The following METTL8 variants were observed in gnomAD, a reference collection of about 807,000 sequenced individuals.
METTL8 encodes methyltransferase 8, tRNA N3-cytidine, also known as tRNA N(3)-cytidine methyltransferase METTL8, mitochondrial.
Under a neutral mutation model 48.7 loss-of-function variants are expected in METTL8, and 32 were observed. The ratio of observed to expected loss-of-function variants is 0.66; its 90% confidence interval spans 0.50 to 0.88. The LOEUF (loss-of-function observed/expected upper bound fraction) is 0.88, where lower values mean the gene tolerates loss of function less well. METTL8 is among the 40% of genes least tolerant of loss of function. The pLI, the probability that METTL8 is intolerant of heterozygous loss-of-function variation, is 0.00. For missense variants in METTL8, 464 were observed against 474.4 expected (o/e 0.98, Z 0.20); for synonymous variants, 136 against 157.1 (o/e 0.87, Z 1.01).
At chr2:171,425,724 T>C (rs184414413) in intron 1 of METTL8, among the ~76,000 whole-genome samples, 2 of 152,312 alleles carry the variant, frequency 1.3e-5, no homozygotes, top group East Asian at 3.8e-4. Flanking sequence ...CTACAAGAAT[T>C]TGAGGTAATG....
At chr2:171,392,922 C>T (rs1287598852) in intron 1 of METTL8, among the ~76,000 whole-genome samples, 2 of 148,976 alleles carry the variant, frequency 1.3e-5, no homozygotes. Context: ...CATAGGAAAA[C>T]CCCATCTTTA....
At chr2:171,339,950 G>A (rs766427029) in intron 3 of METTL8, among the ~76,000 whole-genome samples, 11 of 152,192 alleles carry the variant, frequency 7.2e-5, no homozygotes, top group Non-Finnish European at 1.5e-4. Flanking sequence ...TGTAATCCCA[G>A]CACTTTGGGA....
intron 1 of METTL8, among the ~76,000 whole-genome samples, chr2:171,415,647 G>T (rs1484927746): frequency 2.6e-5 from 4 of 151,932 alleles, no homozygotes; most frequent in African/African-American, 9.7e-5. Flanking sequence ...ACCACGCCTG[G>T]CCTAAAATAT....
upstream of METTL8, chr2:171,434,565 G>C: frequency 6.6e-7 from 1 of 1,525,534 alleles, no homozygotes; most frequent in South Asian, 1.2e-5. Flanking sequence ...CCCAGGGCCC[G>C]GCCCGCGCCT....
intron 1 of METTL8, among the ~76,000 whole-genome samples, chr2:171,416,153 TTA>T (rs1691295071): frequency 1.3e-5 from 2 of 152,292 alleles, no homozygotes; most frequent in Admixed American, 1.3e-4. Context: ...ATCGTTTCAT[TTA>T]TAGTACTTGT....
intron 1 of METTL8, among the ~76,000 whole-genome samples, chr2:171,427,380 A>T (rs980927383): frequency 6.6e-6 from 1 of 152,212 alleles, no homozygotes; most frequent in African/African-American, 2.4e-5. Flanking sequence ...AACACAAAAT[A>T]GATCATATCA....
intron 3 of METTL8, among the ~76,000 whole-genome samples, chr2:171,343,784 T>C (rs1420492306): frequency 6.6e-6 from 1 of 152,222 alleles, no homozygotes; most frequent in Non-Finnish European, 1.5e-5. Flanking sequence ...TACTTTCCTA[T>C]TAAGCGCCAT....
chr2:171,350,636 C>A (rs1170196696), intron 3 of METTL8, among the ~76,000 whole-genome samples: 1 of 152,164 alleles, frequency 6.6e-6, no homozygotes, highest in Non-Finnish European at 1.5e-5. Flanking sequence ...TGTTTCCTGA[C>A]TTTTTAATGA....
chr2:171,383,817 A>ATCTTAGTAC (rs1488186384), intron 2 of METTL8, among the ~76,000 whole-genome samples: 3 of 152,264 alleles, frequency 2.0e-5, no homozygotes, highest in Non-Finnish European at 4.4e-5. Context: ...TGTACTAAGT[A>ATCTTAGTAC]TAATTAAAAG....
intron 3 of METTL8, among the ~76,000 whole-genome samples, chr2:171,341,407 T>C (rs1460907170): frequency 1.3e-5 from 2 of 152,014 alleles, no homozygotes; most frequent in South Asian, 2.1e-4. Flanking sequence ...TATTTATTTA[T>C]TTTATATTTT....
At chr2:171,386,606 A>G (rs1362913330) in intron 2 of METTL8, among the ~76,000 whole-genome samples, 1 of 152,176 alleles carries the variant, frequency 6.6e-6, no homozygotes, top group East Asian at 1.9e-4. Flanking sequence ...TCTACAAAAA[A>G]TACAAAAATT....
intron 2 of METTL8, among the ~76,000 whole-genome samples, chr2:171,384,014 G>C (rs1454082373): frequency 6.6e-6 from 1 of 152,150 alleles, no homozygotes; most frequent in Non-Finnish European, 1.5e-5. Context: ...ATTCACAAGA[G>C]GCAAAACAGG....
At chr2:171,358,886 C>T (rs1163844075) in intron 3 of METTL8, among the ~76,000 whole-genome samples, 2 of 152,070 alleles carry the variant, frequency 1.3e-5, no homozygotes, top group African/African-American at 2.4e-5. Flanking sequence ...AGAGACAACC[C>T]ACAGAATGGA....
chr2:171,355,311 T>C (rs533494945), intron 3 of METTL8, among the ~76,000 whole-genome samples: 16 of 152,298 alleles, frequency 1.1e-4, no homozygotes, highest in African/African-American at 3.1e-4. Context: ...AATGCTGCTG[T>C]CTGATCGTTC....
rs1185378888 is a variant in METTL8, at chr2:171,318,283, C to T, written c.*5889G>A. 3 of 152,222 alleles carry T rather than the reference C, an allele frequency of 2.0e-5. No homozygotes were observed. Among genetic ancestry groups the T allele is most frequent in the Non-Finnish European group, 4.4e-5 (3 of 68,038 alleles). The allele number at this position is 152,222 out of a possible 1,614,324, so 9.4% of individuals were successfully genotyped here. ...CCAAGAAACCGTATTCCAAGAAATGCTCAACATTTCATGCCTGAATTGGTA... is the reference window on the plus strand; with the variant it reads ...CCAAGAAACCGTATTCCAAGAAATGTTCAACATTTCATGCCTGAATTGGTA... On this transcript the variant is annotated 3_prime_UTR_variant, in exon 10 of 10. Transcript: ENST00000375258.
At chr2:171,326,295 A>G in intron 7 of METTL8, 147 bp from the exon 8 acceptor site, 1 of 549,694 alleles carries the variant, frequency 1.8e-6, no homozygotes, top group Non-Finnish European at 3.2e-6. Context: ...AAAAATAAAA[A>G]TATTTTGTAA....
chr2:171,359,541 AT>A (rs1234354916), intron 3 of METTL8, among the ~76,000 whole-genome samples: 3 of 152,150 alleles, frequency 2.0e-5, no homozygotes, highest in East Asian at 3.8e-4. Flanking sequence ...GGACATCAAT[AT>A]ATCAAAGAGA....
chr2:171,405,413 T>A (rs1222170992), intron 1 of METTL8, among the ~76,000 whole-genome samples: 1 of 152,188 alleles, frequency 6.6e-6, no homozygotes, highest in Non-Finnish European at 1.5e-5. Context: ...AATAAACAAT[T>A]GGTTTTAGAA....
At chr2:171,334,876 T>C (rs564053364) in intron 5 of METTL8, among the ~76,000 whole-genome samples, 3 of 152,350 alleles carry the variant, frequency 2.0e-5, no homozygotes, top group Non-Finnish European at 2.9e-5. Context: ...TAAGCTGTAC[T>C]GTTAGGCAAC....
Sources: allele counts gnomAD v4.1 joint callset (sites outside exome capture counted in the v4.1 genomes callset), GRCh38; gene constraint gnomAD v4.1.1; transcripts MANE v1.5; gene names NCBI Gene and HGNC (gene_info 2026-07-23, HGNC 2026-07-21).